FMN2: variants seen among roughly 807,000 people sequenced by gnomAD.
FMN2 encodes the protein formin-2.
A neutral mutation model predicts 142.3 loss-of-function variants in FMN2; 51 were observed. The observed-to-expected ratio is 0.36, with a 90% CI of 0.29 to 0.45. The LOEUF (loss-of-function observed/expected upper bound fraction) is 0.45. Among genes scored for constraint, FMN2 ranks in the 20% least tolerant of loss-of-function variants. FMN2 has a pLI of 1.00. For missense variants in FMN2, 1,936 were observed against 2,122.8 expected (o/e 0.91, Z 1.73); for synonymous variants, 882 against 869.8 (o/e 1.01, Z -0.25).
chr1:240,143,642 C>G, intron 2 of FMN2: 1 of 1,610,156 alleles, frequency 6.2e-7, no homozygotes, highest in Non-Finnish European at 8.5e-7. Flanking sequence ...GATGCAACCT[C>G]CAGTGCAGCC....
chr1:240,444,385 A>G (rs188101171), intron 16 of FMN2, among the ~76,000 whole-genome samples: 1 of 152,312 alleles, frequency 6.6e-6, no homozygotes, highest in Admixed American at 6.5e-5. Flanking sequence ...AAGGGCTTTT[A>G]GGCAAGAAGA....
intron 15 of FMN2, among the ~76,000 whole-genome samples, chr1:240,427,316 C>G (rs1674986054): frequency 6.6e-6 from 1 of 151,980 alleles, no homozygotes; most frequent in Non-Finnish European, 1.5e-5. Context: ...CGCCATTCTC[C>G]TGCCTCAGCC....
chr1:240,467,735 C>G (rs1418701760), intron 16 of FMN2, among the ~76,000 whole-genome samples: 1 of 152,024 alleles, frequency 6.6e-6, no homozygotes, highest in African/African-American at 2.4e-5. Context: ...AAGTTTGCTT[C>G]GAGATGAAAT....
At chr1:240,231,786 T>C (rs1449694775) in intron 6 of FMN2, among the ~76,000 whole-genome samples, 1 of 152,252 alleles carries the variant, frequency 6.6e-6, no homozygotes, top group Non-Finnish European at 1.5e-5. Flanking sequence ...ATTTAATAAA[T>C]GTCTTCAAGC....
intron 1 of FMN2, among the ~76,000 whole-genome samples, chr1:240,101,255 A>G (rs1661400844): frequency 6.6e-6 from 1 of 152,140 alleles, no homozygotes; most frequent in South Asian, 2.1e-4. Context: ...CTGTGGTTCT[A>G]TAGATATGGT....
Position 240,169,848 on chromosome 1 carries a change from AT to A in FMN2, c.1783-8066del, listed in dbSNP as rs941802667. 1.2e-4 allele frequency among the ~76,000 whole-genome samples: 18 copies of A among 152,110 alleles called. 1 individual carries two copies. The highest frequency in any genetic ancestry group is 3.4e-3 in the Middle Eastern group (1 of 294). On this transcript the variant is annotated intron_variant, in intron 2 of 17. Transcript: ENST00000319653. ...CTTCGAGGCAATTTTTATTTTTAATATTTTTTTCCCCTTCATGCAAACTGTG... is the reference window on the plus strand; with the variant it reads ...CTTCGAGGCAATTTTTATTTTTAATATTTTTTCCCCTTCATGCAAACTGTG...
At chr1:240,271,692 T>TG (rs1572140321) in intron 7 of FMN2, among the ~76,000 whole-genome samples, 2 of 152,232 alleles carry the variant, frequency 1.3e-5, no homozygotes, top group East Asian at 3.9e-4. Context: ...TTTCATCAAT[T>TG]GTAGCCTTGT....
chr1:240,274,707 G>T (rs554053067), intron 7 of FMN2, among the ~76,000 whole-genome samples: 4 of 152,212 alleles, frequency 2.6e-5, no homozygotes, highest in African/African-American at 9.6e-5. Flanking sequence ...GTGAGATGCT[G>T]GCGGCCAGGA....
In FMN2 at chr1:240,411,894, T is replaced by A. The variant is rs554682415; in HGVS notation, c.4910+19332T>A. Among the ~76,000 whole-genome samples, 3 of 152,310 alleles carry A rather than the reference T, an allele frequency of 2.0e-5. No homozygotes were observed. The East Asian group carries it at 5.8e-4, about 29-fold the overall frequency. On this transcript the variant is annotated intron_variant, in intron 15 of 17. Transcript: ENST00000319653. Reference sequence around the variant, plus strand: ...TAATAAGCCAGCCGTGTAGAAATGCTGAGTATTTGGTTCAGTGTTCAAGTC... The same window carrying A: ...TAATAAGCCAGCCGTGTAGAAATGCAGAGTATTTGGTTCAGTGTTCAAGTC...
intron 14 of FMN2, among the ~76,000 whole-genome samples, chr1:240,385,708 G>A (rs1031913703): frequency 7.9e-5 from 12 of 152,250 alleles, no homozygotes; most frequent in East Asian, 3.9e-4. Flanking sequence ...ACTTCAATAC[G>A]TACATCAGGC....
intron 16 of FMN2, among the ~76,000 whole-genome samples, chr1:240,459,844 G>T (rs1676389820): frequency 6.7e-6 from 1 of 149,994 alleles, no homozygotes; most frequent in Non-Finnish European, 1.5e-5. Flanking sequence ...AACCTACATG[G>T]CATACTTGAA....
intron 6 of FMN2, among the ~76,000 whole-genome samples, chr1:240,241,892 G>A (rs1021597316): frequency 2.3e-5 from 3 of 130,646 alleles, no homozygotes; most frequent in African/African-American, 8.6e-5. Context: ...GCTGGATCTC[G>A]CCTCACTGCA....
At chr1:240,330,773 G>T in intron 11 of FMN2, 24 bp downstream of exon 11, 1 of 1,608,422 alleles carries the variant, frequency 6.2e-7, no homozygotes, top group Non-Finnish European at 8.5e-7. Context: ...ATGAGTGGAC[G>T]TAAGCACATT....
intron 4 of FMN2, among the ~76,000 whole-genome samples, chr1:240,191,530 A>G (rs1007963100): frequency 1.3e-5 from 2 of 152,238 alleles, no homozygotes; most frequent in African/African-American, 4.8e-5. Context: ...AATCTGCTCT[A>G]TCTGAAGAAT....
chr1:240,183,299 G>GGT (rs902943108), intron 3 of FMN2, among the ~76,000 whole-genome samples: 1 of 151,406 alleles, frequency 6.6e-6, no homozygotes, highest in East Asian at 1.9e-4. Context: ...GGGGAGACTT[G>GGT]GTAGTATTCT....
intron 2 of FMN2, among the ~76,000 whole-genome samples, chr1:240,126,434 C>G (rs113210771): frequency 6.7e-6 from 1 of 150,060 alleles, no homozygotes; most frequent in African/African-American, 2.5e-5. Flanking sequence ...CCGTTCTCAT[C>G]TTTGCACTTA....
intron 14 of FMN2, among the ~76,000 whole-genome samples, chr1:240,356,206 A>G (rs1558449698): frequency 6.6e-6 from 1 of 152,138 alleles, no homozygotes; most frequent in Non-Finnish European, 1.5e-5. Context: ...TTTAAAAGAC[A>G]TTAACAATTC....
chr1:240,223,190 A>G (rs1667181568), intron 6 of FMN2, among the ~76,000 whole-genome samples: 2 of 152,212 alleles, frequency 1.3e-5, no homozygotes, highest in Non-Finnish European at 2.9e-5. Context: ...AGCTTTTAGC[A>G]TAAAGCGGTG....
intron 3 of FMN2, among the ~76,000 whole-genome samples, chr1:240,184,962 T>C (rs984449610): frequency 8.1e-5 from 12 of 147,994 alleles, no homozygotes; most frequent in African/African-American, 3.0e-4. Context: ...CTTCTCTTTC[T>C]CCCTCCTATA....
Sources: allele counts gnomAD v4.1 joint callset (sites outside exome capture counted in the v4.1 genomes callset), GRCh38; gene constraint gnomAD v4.1.1; transcripts MANE v1.5; gene names NCBI Gene and HGNC (gene_info 2026-07-23, HGNC 2026-07-21).